The following SF3A1 variants were observed in gnomAD, a reference collection of about 807,000 sequenced individuals.
The protein encoded by SF3A1 is SAP 114.
SF3A1 carries 13 observed loss-of-function variants against 89.9 expected under a neutral mutation model. That is an observed-to-expected ratio of 0.14 (90% confidence interval 0.09 to 0.23). SF3A1 has a LOEUF of 0.23. SF3A1 is among the 10% of genes least tolerant of loss of function. SF3A1 has a pLI of 1.00. For missense variants in SF3A1, 604 were observed against 1,022.1 expected, an observed-to-expected ratio of 0.59 and a Z score of 5.58; for synonymous variants, 405 against 374.4, an observed-to-expected ratio of 1.08 and a Z score of -0.94.
intron 2 of SF3A1, among the ~76,000 whole-genome samples, chr22:30,351,125 C>G (rs9606720): frequency 0.019 from 2,876 of 152,226 alleles, 32 homozygotes; most frequent in East Asian, 0.032. Flanking sequence ...ACGGTGAAAC[C>G]ACGTCTCTAC....
At chr22:30,354,326 G>C (rs1242342944) in intron 1 of SF3A1, among the ~76,000 whole-genome samples, 1 of 152,086 alleles carries the variant, frequency 6.6e-6, no homozygotes, top group Non-Finnish European at 1.5e-5. Context: ...CATTTTAAGT[G>C]CTCTTGACAA....
At chr22:30,337,938 T>A in intron 11 of SF3A1, 41 bp from the exon 12 acceptor site, 1 of 1,464,294 alleles carries the variant, frequency 6.8e-7, no homozygotes, top group Non-Finnish European at 9.4e-7. Flanking sequence ...GAAGCCAAAG[T>A]TGGACTCCAA....
intron 11 of SF3A1, among the ~76,000 whole-genome samples, chr22:30,338,237 T>A (rs1044785887): frequency 9.2e-5 from 14 of 152,058 alleles, no homozygotes; most frequent in African/African-American, 3.1e-4. Flanking sequence ...GGCAGGCAGA[T>A]CACCGGAGGT....
intron 6 of SF3A1, 143 bp from the exon 7 acceptor site, chr22:30,342,028 T>G: frequency 8.6e-7 from 1 of 1,159,492 alleles, no homozygotes; most frequent in Non-Finnish European, 1.2e-6. Context: ...AAGTACGTAT[T>G]GAATCTAAGT....
intron 3 of SF3A1, 29 bp downstream of exon 3, chr22:30,346,283 G>C (rs531932602): frequency 1.4e-6 from 2 of 1,456,012 alleles, no homozygotes; most frequent in East Asian, 4.5e-5. Flanking sequence ...CAAGCCCTGC[G>C]TAAGTGAAGG....
chr22:30,342,106 G>T, intron 6 of SF3A1, 94 bp downstream of exon 6: 1 of 1,455,106 alleles, frequency 6.9e-7, no homozygotes. Flanking sequence ...AGCCCTCTGA[G>T]AGATTCTACT....
At chr22:30,353,415 A>G (rs1931660191) in intron 1 of SF3A1, among the ~76,000 whole-genome samples, 1 of 152,216 alleles carries the variant, frequency 6.6e-6, no homozygotes, top group Middle Eastern at 3.2e-3. Flanking sequence ...TTTATAAGAC[A>G]GGAGAAAAGG....
chr22:30,341,922 A>C (rs1435864725), intron 6 of SF3A1, 37 bp from the exon 7 acceptor site: 1 of 1,589,118 alleles, frequency 6.3e-7, no homozygotes, highest in South Asian at 1.1e-5. Context: ...ATTCCTTATC[A>C]AAGACCCACC....
At chr22:30,337,426 C>T (rs1419361169) in intron 12 of SF3A1, among the ~76,000 whole-genome samples, 1 of 152,170 alleles carries the variant, frequency 6.6e-6, no homozygotes, top group Non-Finnish European at 1.5e-5. Flanking sequence ...AAGCAACAAG[C>T]ATTTCTCAGG....
chr22:30,341,444 C>T (rs1011831879), intron 7 of SF3A1, among the ~76,000 whole-genome samples: 4 of 152,174 alleles, frequency 2.6e-5, no homozygotes, highest in African/African-American at 4.8e-5. Context: ...GCAGGCTGTC[C>T]GGGCCAGGGA....
Position 30,356,762 on chromosome 22 carries a change from G to A in SF3A1, c.31C>T (p.Pro11Ser). The A allele has an allele frequency of 6.7e-7, 1 of 1,482,984 alleles. No individual in the cohort carries two copies. Among genetic ancestry groups the A allele is most frequent in the Non-Finnish European group, 9.0e-7 (1 of 1,112,506 alleles). The allele number at this position is 1,482,984 out of a possible 1,614,324, so 91.9% of individuals were successfully genotyped here. The part of the protein sequence containing the change: MPAGPVQAVP[P>S]PPPVPTEPKQ... ...GGCTCCGTGGGCACGGGCGGCGGCG[G>A]GGGCACCGCCTGCACGGGTCCGGCC... The change falls in exon 1 of 16, where the codon CCG (proline) becomes TCG (serine). Residue 11 changes from proline to serine, a missense_variant. Physicochemically the swap from Pro to Ser is moderately conservative, Grantham distance 74. Coordinates refer to ENST00000215793, the MANE Select transcript of SF3A1 (RefSeq NM_005877.6).
At position 30,335,499 on chromosome 22, in the gene SF3A1, T is replaced by C. The variant is rs780044697; in HGVS notation, c.2248A>G (p.Met750Val). The change falls in exon 15 of 16, where the codon ATG becomes GTG. Residue 750 changes from methionine to valine, a missense_variant. Around this residue, in one of 9 missense-constraint regions of SF3A1, gnomAD observed 74 missense variants for 141.3 expected, o/e 0.52. Transcript: ENST00000215793. ...TGTAGCTTCTGTTTCCCTGCAGGCA[T>C]GCCTGTGGCTTCATGAATCTTCACC... ...IKVKIHEATG[M>V]PAGKQKLQYE... 1 of 1,614,214 alleles carries C rather than the reference T, an allele frequency of 6.2e-7. No homozygotes were observed. The highest frequency in any genetic ancestry group is 1.3e-5 in the African/African-American group (1 of 75,056).
chr22:30,339,271 AGGC>A lies in SF3A1; in HGVS notation c.1376-23_1376-21del. The A allele has an allele frequency of 6.2e-7, 1 of 1,613,148 alleles. No individual in the cohort carries two copies. Among genetic ancestry groups the A allele is most frequent in the Non-Finnish European group, 8.5e-7 (1 of 1,179,984 alleles). ...CCAGACCTGTACAGTCACAAAACAG[AGGC>A]AGAGGATAGAAAGAGAAAATAAACC... On this transcript the variant is annotated intron_variant, in intron 9 of 15. Coordinates refer to ENST00000215793, the MANE Select transcript of SF3A1 (RefSeq NM_005877.6).
chr22:30,342,625 T>C, intron 5 of SF3A1, 180 bp downstream of exon 5: 2 of 624,878 alleles, frequency 3.2e-6, no homozygotes, highest in Non-Finnish European at 5.6e-6. Flanking sequence ...AAGCAGAAAG[T>C]TGTGGTATGT....
At chr22:30,342,102 C>T (rs1252814036) in intron 6 of SF3A1, 98 bp downstream of exon 6, 1 of 1,436,392 alleles carries the variant, frequency 7.0e-7, no homozygotes, top group Non-Finnish European at 9.8e-7. Flanking sequence ...ATAAAGCCCT[C>T]TGAGAGATTC....
At chr22:30,343,664 A>G (rs1165023580) in intron 4 of SF3A1, among the ~76,000 whole-genome samples, 1 of 152,242 alleles carries the variant, frequency 6.6e-6, no homozygotes, top group African/African-American at 2.4e-5. Flanking sequence ...AAAACAGGAA[A>G]GTAACAGAAT....
chr22:30,351,532 T>C (rs1931594661), intron 2 of SF3A1, among the ~76,000 whole-genome samples: 1 of 152,180 alleles, frequency 6.6e-6, no homozygotes, highest in Admixed American at 6.5e-5. Flanking sequence ...TTGTTTTTTT[T>C]GAGACAGGGT....
intron 11 of SF3A1, 111 bp downstream of exon 11, chr22:30,338,678 C>G (rs1476727634): frequency 1.3e-5 from 18 of 1,358,634 alleles, no homozygotes; most frequent in Admixed American, 9.3e-5. Context: ...TCAAACTGAC[C>G]CACCCAACAC....
In SF3A1 at chr22:30,345,203, G is replaced by A. The variant is rs1451661085; in HGVS notation, c.394-13C>T. 2.5e-6 allele frequency: 4 copies of A among 1,608,832 alleles called. No homozygotes were observed. The highest frequency in any genetic ancestry group is 2.6e-6 in the Non-Finnish European group (3 of 1,176,062). ...CTTGGGCTTGGACCTAAGATGCAAA[G>A]GGAGTATGAGGCGAGAGGCACAGGG... On this transcript the variant is annotated splice_polypyrimidine_tract_variant and intron_variant, in intron 3 of 15. Coordinates refer to ENST00000215793, the MANE Select transcript of SF3A1 (RefSeq NM_005877.6).
Sources: allele counts gnomAD v4.1 joint callset (sites outside exome capture counted in the v4.1 genomes callset), GRCh38; gene constraint gnomAD v4.1.1; regional missense constraint gnomAD v4.1.1; transcripts MANE v1.5; gene names NCBI Gene and HGNC (gene_info 2026-07-23, HGNC 2026-07-21).